LGR5: variants seen among roughly 807,000 people sequenced by gnomAD.
LGR5 encodes leucine-rich repeat-containing G protein-coupled receptor 5.
LGR5 carries 54 observed loss-of-function variants against 76.7 expected under a neutral mutation model. The ratio of observed to expected loss-of-function variants is 0.70; its 90% CI spans 0.57 to 0.88. LGR5 has a LOEUF of 0.88. LGR5 is among the 40% of genes least tolerant of loss of function. The pLI is 0.00. For synonymous variants in LGR5, 406 were observed against 421.9 expected (o/e 0.96, Z 0.46); for missense variants, 1,078 against 1,073.3 (o/e 1.00, Z -0.06).
At chr12:71,460,273 A>G (rs1381628194) in intron 1 of LGR5, among the ~76,000 whole-genome samples, 1 of 152,108 alleles carries the variant, frequency 6.6e-6, no homozygotes, top group Non-Finnish European at 1.5e-5. Context: ...AGAGAGAAAT[A>G]CAAAAAGGAT....
intron 1 of LGR5, among the ~76,000 whole-genome samples, chr12:71,501,343 G>A (rs554793706): frequency 1.2e-4 from 18 of 152,272 alleles, no homozygotes; most frequent in East Asian, 9.6e-4. Flanking sequence ...CCTAGACCTC[G>A]GTTCTAGGCC....
At chr12:71,548,568 A>T (rs1240641595) in intron 4 of LGR5, among the ~76,000 whole-genome samples, 1 of 152,182 alleles carries the variant, frequency 6.6e-6, no homozygotes, top group Non-Finnish European at 1.5e-5. Flanking sequence ...AAAGACAAAA[A>T]TACAAAGTGT....
At chr12:71,510,883 GA>G (rs1875119871) in intron 2 of LGR5, among the ~76,000 whole-genome samples, 1 of 152,050 alleles carries the variant, frequency 6.6e-6, no homozygotes, top group Admixed American at 6.5e-5. Flanking sequence ...TAGGTGGGAA[GA>G]ACGTGATGTG....
intron 6 of LGR5, among the ~76,000 whole-genome samples, chr12:71,557,894 A>G (rs960860311): frequency 6.6e-6 from 1 of 152,214 alleles, no homozygotes; most frequent in African/African-American, 2.4e-5. Flanking sequence ...GAAAAGACCA[A>G]AGACCACTTC....
At position 71,561,765 on chromosome 12, in the gene LGR5, T is replaced by C. The variant is rs1878071378; in HGVS notation, c.786-16T>C. The C allele has an allele frequency of 6.5e-7, 1 of 1,541,518 alleles. No homozygotes were observed. The highest frequency in any genetic ancestry group is 1.4e-5 in the African/African-American group (1 of 72,678). On this transcript the variant is annotated splice_polypyrimidine_tract_variant and intron_variant, in intron 7 of 17. Transcript: ENST00000266674. ...ACCCCACACAGGATTTTTTATAATT[T>C]TTTTTCTCTTTCTAGAGGATTTCAT...
intron 1 of LGR5, among the ~76,000 whole-genome samples, chr12:71,452,512 T>C (rs761352280): frequency 6.6e-6 from 1 of 152,230 alleles, no homozygotes; most frequent in South Asian, 2.1e-4. Context: ...GACTACTTGA[T>C]ATAATTTCTG....
rs148456612 is a variant in LGR5, at chr12:71,583,566, A to T, written c.1637-81A>T. On this transcript the variant is annotated intron_variant, in intron 17 of 17. Coordinates refer to ENST00000266674, the MANE Select transcript of LGR5 (RefSeq NM_003667.4). ...TTGACCATTATCTCTTGGCATCCTA[A>T]ATAAAGAGACAAAAGGGTAATTCAG... 2.5e-3 allele frequency: 3,649 copies of T among 1,476,712 alleles called. 13 individuals carry two copies. The highest frequency in any genetic ancestry group is 3.2e-3 in the Non-Finnish European group (3,440 of 1,090,936). 91.5% of individuals were successfully genotyped at this position (1,476,712 alleles called of 1,614,324 possible).
chr12:71,439,348 T>C (rs1202413119), upstream of LGR5, among the ~76,000 whole-genome samples: 2 of 152,198 alleles, frequency 1.3e-5, no homozygotes, highest in Non-Finnish European at 2.9e-5. Flanking sequence ...AGGATTTTAG[T>C]TTTTGTGTTT....
intron 1 of LGR5, among the ~76,000 whole-genome samples, chr12:71,487,595 T>G (rs907403732): frequency 1.3e-5 from 2 of 152,180 alleles, no homozygotes; most frequent in African/African-American, 4.8e-5. Flanking sequence ...TAAAATTATT[T>G]CTGTACGAGG....
intron 2 of LGR5, among the ~76,000 whole-genome samples, chr12:71,516,527 CT>C (rs1397413251): frequency 1.3e-5 from 2 of 152,112 alleles, no homozygotes; most frequent in Non-Finnish European, 2.9e-5. Context: ...CTCCCCAGAT[CT>C]TGTACACATA....
rs529066860 is a variant in LGR5 at position 71,498,079 on chromosome 12, G to C, written c.213-6535G>C. ...GGGAGCAGAAGGAAAAAGAGGAGGA[G>C]AAGCAGCAGTTAGTGGCACTTAGGC... On this transcript the variant is annotated intron_variant, in intron 1 of 17. Transcript: ENST00000266674. Among the ~76,000 whole-genome samples, 4 of 152,242 alleles carry C rather than the reference G, an allele frequency of 2.6e-5. No individual in the cohort carries two copies. The South Asian group carries it at 8.3e-4, about 32-fold the overall frequency.
chr12:71,468,420 G>A (rs1361381045), intron 1 of LGR5, among the ~76,000 whole-genome samples: 3 of 152,156 alleles, frequency 2.0e-5, no homozygotes, highest in Non-Finnish European at 4.4e-5. Context: ...TGAATACCCT[G>A]GAGAAATGAC....
At chr12:71,522,822 G>T (rs1875792841) in intron 2 of LGR5, among the ~76,000 whole-genome samples, 1 of 152,142 alleles carries the variant, frequency 6.6e-6, no homozygotes, top group African/African-American at 2.4e-5. Flanking sequence ...TTTGGATCTG[G>T]AAGGGACCCA....
At chr12:71,546,373 T>G (rs17109800) in intron 4 of LGR5, among the ~76,000 whole-genome samples, 2,223 of 151,996 alleles carry the variant, frequency 0.015, 51 homozygotes, top group African/African-American at 0.051. Flanking sequence ...CTTTGCCACA[T>G]AGAACACATT....
At chr12:71,482,924 C>T (rs1873672085) in intron 1 of LGR5, among the ~76,000 whole-genome samples, 1 of 152,192 alleles carries the variant, frequency 6.6e-6, no homozygotes, top group Non-Finnish European at 1.5e-5. Flanking sequence ...ATATCACACA[C>T]ACAAACAATA....
At chr12:71,573,331 A>C (rs1301384732) in intron 13 of LGR5, among the ~76,000 whole-genome samples, 1 of 152,136 alleles carries the variant, frequency 6.6e-6, no homozygotes, top group Non-Finnish European at 1.5e-5. Flanking sequence ...ACCTCGAGGA[A>C]ACTAAAAAAT....
intron 11 of LGR5, among the ~76,000 whole-genome samples, chr12:71,570,302 C>G (rs982375251): frequency 6.6e-6 from 1 of 152,026 alleles, no homozygotes; most frequent in Admixed American, 6.6e-5. Flanking sequence ...CACATGTACC[C>G]CAGAATTTTA....
At chr12:71,582,358 G>A in intron 16 of LGR5, 98 bp from the exon 17 acceptor site, 1 of 953,926 alleles carries the variant, frequency 1.0e-6, no homozygotes. Flanking sequence ...ATTTGTGACA[G>A]TTCATGTCTC....
chr12:71,514,460 C>T (rs968298693), intron 2 of LGR5, among the ~76,000 whole-genome samples: 5 of 151,434 alleles, frequency 3.3e-5, no homozygotes, highest in Non-Finnish European at 1.5e-5. Context: ...CCCAGCTACT[C>T]AGGAGGCTGA....
Sources: gnomAD v4.1 joint callset for allele counts (sites outside exome capture counted in the v4.1 genomes callset) on GRCh38, gnomAD v4.1.1 for gene constraint, MANE v1.5 for transcripts, NCBI Gene and HGNC (gene_info 2026-07-23, HGNC 2026-07-21) for gene names.